Variants in ARMH4 observed in about 807,000 individuals in gnomAD.
ARMH4 encodes the protein armadillo like helical domain containing 4.
A neutral mutation model predicts 61.9 loss-of-function variants in ARMH4; 49 were observed. The observed-to-expected ratio is 0.79, with a 90% CI of 0.63 to 1.00. ARMH4 has a LOEUF of 1.00. Among genes scored for constraint, ARMH4 ranks in the 50% least tolerant of loss-of-function variants. The pLI is 0.00. For missense variants in ARMH4, 934 were observed against 930.0 expected (o/e 1.00, Z -0.06); for synonymous variants, 368 against 341.5 (o/e 1.08, Z -0.85).
intron 4 of ARMH4, chr14:58,101,436 A>G (rs1044117013): frequency 6.6e-6 from 1 of 152,314 alleles, no homozygotes; most frequent in Non-Finnish European, 1.5e-5. Context: ...AGAAGTGATG[A>G]GCAGGAAAGC....
chr14:58,004,881 A>C (rs1882104353), intron 7 of ARMH4, 77 bp from the exon 8 acceptor site: 1 of 1,538,842 alleles, frequency 6.5e-7, no homozygotes, highest in Non-Finnish European at 9.0e-7. Context: ...ACTTTAAAAG[A>C]CATGCTAACA....
At chr14:58,098,873 G>A (rs1398142063) in intron 4 of ARMH4, among the ~76,000 whole-genome samples, 1 of 152,056 alleles carries the variant, frequency 6.6e-6, no homozygotes, top group Non-Finnish European at 1.5e-5. Context: ...CAGCAGGGTG[G>A]AGAACAGGCT....
intron 5 of ARMH4, among the ~76,000 whole-genome samples, chr14:58,026,902 T>C (rs1385273948): frequency 1.3e-5 from 2 of 152,214 alleles, no homozygotes; most frequent in African/African-American, 4.8e-5. Flanking sequence ...TGTTTGCCAT[T>C]GGCCCTTAGC....
At chr14:58,151,151 C>T (rs1353406425) in intron 1 of ARMH4, among the ~76,000 whole-genome samples, 6 of 152,208 alleles carry the variant, frequency 3.9e-5, no homozygotes, top group African/African-American at 1.2e-4. Flanking sequence ...AGCCATCTCT[C>T]CTCTCTTCCA....
intron 5 of ARMH4, among the ~76,000 whole-genome samples, chr14:58,029,376 G>A (rs1335198063): frequency 6.6e-6 from 1 of 152,118 alleles, no homozygotes; most frequent in African/African-American, 2.4e-5. Context: ...TGGGATTACA[G>A]GCATGTGTCA....
At chr14:58,061,837 A>C (rs904177269) in intron 5 of ARMH4, among the ~76,000 whole-genome samples, 1 of 152,116 alleles carries the variant, frequency 6.6e-6, no homozygotes, top group Non-Finnish European at 1.5e-5. Context: ...GCAGCCTTCA[A>C]CTTGGAGGTG....
intron 5 of ARMH4, among the ~76,000 whole-genome samples, chr14:58,020,627 G>A (rs1029487205): frequency 1.3e-5 from 2 of 152,094 alleles, no homozygotes; most frequent in Admixed American, 6.5e-5. Context: ...CTTTGTATAT[G>A]TCTTTCTCAT....
chr14:58,133,094 C>T lies in ARMH4; in HGVS notation c.1617G>A (p.Val539=). The change falls in exon 3 of 8, where the codon GTG becomes GTA. Residue 539 remains valine, a synonymous_variant. Transcript: ENST00000267485. ...VPLSFEVTPT[V]EEQMDTVTGP... is the part of the protein sequence containing the mutation. ...CCAATATCCTCCCTTACAGACCTTC[C>T]ACAGTGGGAGTAACTTCAAAAGACA... The T allele has an allele frequency of 6.2e-7, 1 of 1,614,116 alleles. No individual in the cohort carries two copies. Among genetic ancestry groups the T allele is most frequent in the African/African-American group, 1.3e-5 (1 of 75,032 alleles).
intron 5 of ARMH4, among the ~76,000 whole-genome samples, chr14:58,093,840 C>T (rs538070619): frequency 2.8e-4 from 42 of 152,040 alleles, no homozygotes; most frequent in Non-Finnish European, 5.7e-4. Context: ...TGCTTTGGTT[C>T]CCAGGAAACC....
chr14:58,086,190 G>A (rs535849769), intron 5 of ARMH4, among the ~76,000 whole-genome samples: 45 of 152,202 alleles, frequency 3.0e-4, no homozygotes, highest in African/African-American at 9.2e-4. Flanking sequence ...CTGATTCAGC[G>A]GCTAAGCTGA....
At chr14:58,040,153 CTAAATTGATTTTTTT>C (rs1883637249) in intron 5 of ARMH4, among the ~76,000 whole-genome samples, 2 of 152,158 alleles carry the variant, frequency 1.3e-5, no homozygotes, top group Admixed American at 6.5e-5. Context: ...TCTTAGCACC[CTAAATTGATTTTTTT>C]TTTAACTTTT....
intron 5 of ARMH4, among the ~76,000 whole-genome samples, chr14:58,078,842 T>C (rs1043752176): frequency 2.0e-5 from 3 of 152,244 alleles, no homozygotes; most frequent in Non-Finnish European, 4.4e-5. Flanking sequence ...CCTAAGCCAA[T>C]GGGACCAATG....
chr14:58,014,374 T>G (rs1882523264), intron 5 of ARMH4, among the ~76,000 whole-genome samples: 2 of 152,098 alleles, frequency 1.3e-5, no homozygotes, highest in South Asian at 4.2e-4. Context: ...GGTTAGTGAT[T>G]CTAGGAGTGG....
Position 58,138,480 on chromosome 14 carries a change from G to T in ARMH4, c.879C>A (p.Ala293=), listed in dbSNP as rs771529768. Residue 293 remains alanine (A), a synonymous_variant, in exon 2 of 8, where the codon GCC becomes GCA. Transcript: ENST00000267485. ...TGCTGACACTCACTGTGACTTCTGG[G>T]GCTCCCAGCAGACTATCAGTTTCTG... is the stretch of plus-strand genomic sequence containing the variant. The part of the protein sequence containing the change: ...VEPETDSLLG[A]PEVTVSVSTA... 22 of 1,614,096 alleles carry T rather than the reference G, an allele frequency of 1.4e-5. No individual in the cohort carries two copies. Among genetic ancestry groups the T allele is most frequent in the Non-Finnish European group, 1.9e-5 (22 of 1,180,058 alleles).
intron 4 of ARMH4, among the ~76,000 whole-genome samples, chr14:58,130,579 T>C (rs1186749318): frequency 2.6e-5 from 4 of 151,920 alleles, no homozygotes; most frequent in South Asian, 2.1e-4. Flanking sequence ...AAAATGCTGA[T>C]TAATTACGTG....
At chr14:58,005,301 T>A (rs1882124611) in intron 6 of ARMH4, 119 bp from the exon 7 acceptor site, 1 of 1,320,650 alleles carries the variant, frequency 7.6e-7, no homozygotes, top group Admixed American at 2.4e-5. Flanking sequence ...TCTGCTTTGT[T>A]GTAAGATAAA....
At chr14:58,027,698 T>C (rs1883069879) in intron 5 of ARMH4, among the ~76,000 whole-genome samples, 2 of 152,182 alleles carry the variant, frequency 1.3e-5, no homozygotes, top group Non-Finnish European at 2.9e-5. Context: ...CAGTAGATGT[T>C]AAGTGTTCCT....
Position 58,004,510 on chromosome 14 carries a change from T to C in ARMH4, c.*226A>G. 1 of 400,484 alleles carries C rather than the reference T, an allele frequency of 2.5e-6. No individual in the cohort carries two copies. Among genetic ancestry groups the C allele is most frequent in the Non-Finnish European group, 4.5e-6 (1 of 220,912 alleles). 24.8% of individuals were successfully genotyped at this position (400,484 alleles called of 1,614,324 possible). A position where few individuals can be genotyped will look rare whatever the true frequency, so the allele number is the denominator to read the frequency against. On this transcript the variant is annotated 3_prime_UTR_variant, in exon 8 of 8. Coordinates refer to ENST00000267485, the MANE Select transcript of ARMH4 (RefSeq NM_001001872.4). ...ATTTATGAGTTGTAGCCCACGGTTG[T>C]GGAAAATTCACTACAGAATAAAACC...
At chr14:58,038,408 C>G (rs1218612604) in intron 5 of ARMH4, among the ~76,000 whole-genome samples, 6 of 92,572 alleles carry the variant, frequency 6.5e-5, no homozygotes, top group Admixed American at 1.3e-4. Flanking sequence ...GTGGTGGGGT[C>G]GGGGGAGGGG....
Sources: gnomAD v4.1 joint callset for allele counts (sites outside exome capture counted in the v4.1 genomes callset) on GRCh38, gnomAD v4.1.1 for gene constraint, MANE v1.5 for transcripts, NCBI Gene and HGNC (gene_info 2026-07-23, HGNC 2026-07-21) for gene names.